DDAH1: variants seen among roughly 807,000 people sequenced by gnomAD.
DDAH1 encodes the protein N(G),N(G)-dimethylarginine dimethylaminohydrolase 1.
A neutral mutation model predicts 28.8 loss-of-function variants in DDAH1; 19 were observed. The observed-to-expected ratio is 0.66, with a 90% CI of 0.46 to 0.97. The LOEUF is 0.97. DDAH1 is among the 50% of genes least tolerant of loss of function. The pLI is 0.00. For synonymous variants in DDAH1, 153 were observed against 154.4 expected, an observed-to-expected ratio of 0.99 and a Z score of 0.07; for missense variants, 326 against 375.9, an observed-to-expected ratio of 0.87 and a Z score of 1.10.
At chr1:85,511,811 T>A (rs999810825) in intron 1 of DDAH1, among the ~76,000 whole-genome samples, 1 of 152,182 alleles carries the variant, frequency 6.6e-6, no homozygotes, top group Non-Finnish European at 1.5e-5. Flanking sequence ...AGAAGTTGAA[T>A]CTCTGAATAG....
chr1:85,377,971 A>T (rs1650772968), intron 1 of DDAH1, among the ~76,000 whole-genome samples: 1 of 152,194 alleles, frequency 6.6e-6, no homozygotes, highest in Non-Finnish European at 1.5e-5. Context: ...ATGTCATATG[A>T]ATAAAGTTTT....
At chr1:85,466,510 A>G (rs1250741339), upstream of DDAH1, among the ~76,000 whole-genome samples, 1 of 152,198 alleles carries the variant, frequency 6.6e-6, no homozygotes, top group Non-Finnish European at 1.5e-5. Flanking sequence ...CCACCTCCCA[A>G]AGTGCTGGGA....
intron 1 of DDAH1, among the ~76,000 whole-genome samples, chr1:85,406,475 T>A (rs1298445861): frequency 6.6e-6 from 1 of 152,180 alleles, no homozygotes; most frequent in Non-Finnish European, 1.5e-5. Context: ...GAAATCATCA[T>A]GAAGTCCAAA....
chr1:85,571,154 C>T (rs899094443), intron 1 of DDAH1, among the ~76,000 whole-genome samples: 1 of 152,162 alleles, frequency 6.6e-6, no homozygotes, highest in African/African-American at 2.4e-5. Flanking sequence ...ATGGCGGTGC[C>T]CTGTAAATGT....
chr1:85,461,221 A>T (rs485928), intron 1 of DDAH1, among the ~76,000 whole-genome samples: 48,775 of 142,156 alleles, frequency 0.34, 7,940 homozygotes, highest in South Asian at 0.46. Flanking sequence ...AGTATTAAAC[A>T]TAAAAAATAC....
intron 1 of DDAH1, among the ~76,000 whole-genome samples, chr1:85,565,757 A>G (rs956922228): frequency 6.6e-6 from 1 of 152,204 alleles, no homozygotes; most frequent in Non-Finnish European, 1.5e-5. Context: ...CTCATTTTGT[A>G]TATCTTTCTA....
intron 1 of DDAH1, among the ~76,000 whole-genome samples, chr1:85,404,733 TTC>T (rs1652324693): frequency 6.6e-6 from 1 of 152,194 alleles, no homozygotes; most frequent in Non-Finnish European, 1.5e-5. Context: ...GTGAGGGAAA[TTC>T]TCTGTCTTTC....
At chr1:85,576,964 G>GCCGCCGCCGCCA (rs1553150162) in intron 1 of DDAH1, 3 of 153,662 alleles carry the variant, frequency 2.0e-5, no homozygotes, top group African/African-American at 4.9e-5. Context: ...AGCCGCCGCC[G>GCCGCCGCCGCCA]CCGCCACCGC....
At chr1:85,332,856 G>C (rs571277464) in intron 4 of DDAH1, among the ~76,000 whole-genome samples, 3 of 152,230 alleles carry the variant, frequency 2.0e-5, no homozygotes, top group Non-Finnish European at 2.9e-5. Context: ...ACCACTGCTG[G>C]CAATCTTCTG....
chr1:85,476,012 C>T (rs1384584650), intron 2 of DDAH1, among the ~76,000 whole-genome samples: 6 of 152,184 alleles, frequency 3.9e-5, no homozygotes, highest in East Asian at 3.9e-4. Flanking sequence ...CCACCACACC[C>T]GGGTAATTTT....
At chr1:85,379,777 T>C (rs1186415167) in intron 1 of DDAH1, 3 of 884,028 alleles carry the variant, frequency 3.4e-6, no homozygotes, top group Non-Finnish European at 4.1e-6. Context: ...CTGTCCTCTT[T>C]AATCACCAAC....
intron 1 of DDAH1, among the ~76,000 whole-genome samples, chr1:85,457,164 G>C (rs1654922883): frequency 6.6e-6 from 1 of 152,176 alleles, no homozygotes; most frequent in Admixed American, 6.5e-5. Context: ...CAAAAGATCT[G>C]AGAGGGCACG....
chr1:85,461,109 G>C (rs964177282), intron 1 of DDAH1, among the ~76,000 whole-genome samples: 4 of 151,950 alleles, frequency 2.6e-5, no homozygotes, highest in Non-Finnish European at 5.9e-5. Context: ...GTGAGACCCT[G>C]TCTCTAAAAA....
chr1:85,536,609 T>C (rs1215250300), intron 1 of DDAH1, among the ~76,000 whole-genome samples: 1 of 151,820 alleles, frequency 6.6e-6, no homozygotes, highest in African/African-American at 2.4e-5. Context: ...ACACACACAA[T>C]GAGATACTAC....
chr1:85,468,810 G>A (rs1023880665), upstream of DDAH1, among the ~76,000 whole-genome samples: 5 of 152,076 alleles, frequency 3.3e-5, no homozygotes, highest in Admixed American at 2.0e-4. Context: ...GAGCAACCGC[G>A]CCTAGCCGGG....
In DDAH1 at chr1:85,516,064, G is replaced by A. The variant is rs1188019647; in HGVS notation, c.-122-19783C>T. On this transcript the variant is annotated intron_variant, in intron 1 of 6. Coordinates refer to the DDAH1 transcript ENST00000426972. ...GTCCTAATCCACTTTTTTTCTAAGC[G>A]CAACAGTCATAGTGAATTAGGGACC... Among the ~76,000 whole-genome samples the A allele has an allele frequency of 4.6e-5, 7 of 151,422 alleles. No individual in the cohort carries two copies. In the East Asian group the frequency reaches 9.8e-4, roughly 21 times the overall value.
chr1:85,443,204 T>A (rs1006166861), intron 1 of DDAH1, among the ~76,000 whole-genome samples: 1 of 152,224 alleles, frequency 6.6e-6, no homozygotes, highest in African/African-American at 2.4e-5. Flanking sequence ...AATTTTTGTA[T>A]GAGGTGTAAG....
At chr1:85,501,424 C>A (rs970900075) in intron 1 of DDAH1, among the ~76,000 whole-genome samples, 4 of 152,154 alleles carry the variant, frequency 2.6e-5, no homozygotes, top group Non-Finnish European at 5.9e-5. Context: ...TACAGCCCCC[C>A]AGTAGCTATT....
Position 85,400,511 on chromosome 1 carries a change from C to G in DDAH1, c.304-41664G>C, listed in dbSNP as rs1462032398. Among the ~76,000 whole-genome samples, 3 of 151,996 alleles carry G rather than the reference C, an allele frequency of 2.0e-5. No individual in the cohort carries two copies. The East Asian group carries it at 5.8e-4, about 29-fold the overall frequency. On this transcript the variant is annotated intron_variant, in intron 1 of 5. Transcript: ENST00000284031. The stretch of plus-strand genomic sequence containing the variant: ...AGCCACTGTGCCTGGCCTACTCTTG[C>G]AGAAATTCTAAAATGTACATCTAAT...
Sources: gnomAD v4.1 joint callset for allele counts (sites outside exome capture counted in the v4.1 genomes callset) on GRCh38, gnomAD v4.1.1 for gene constraint, MANE v1.5 for transcripts, NCBI Gene and HGNC (gene_info 2026-07-23, HGNC 2026-07-21) for gene names.